The following MYH9 variants were observed in gnomAD, a reference collection of about 807,000 sequenced individuals.
The protein encoded by MYH9 is myosin-9.
A neutral mutation model predicts 241.9 loss-of-function variants in MYH9; 29 were observed. That is an observed-to-expected ratio of 0.12 (90% CI 0.09 to 0.16). The LOEUF (loss-of-function observed/expected upper bound fraction) is 0.16. MYH9 is among the 10% of genes least tolerant of loss of function. MYH9 has a pLI of 1.00. For synonymous variants in MYH9, 1,047 were observed against 1,062.6 expected (o/e 0.99, Z 0.29); for missense variants, 1,803 against 2,595.5 (o/e 0.69, Z 6.63).
At chr22:36,349,287 A>G (rs1265033428) in intron 1 of MYH9, 32 bp from the exon 2 acceptor site, 2 of 1,522,288 alleles carry the variant, frequency 1.3e-6, no homozygotes, top group Admixed American at 1.7e-5. Flanking sequence ...AACACATTAC[A>G]TACAACTACG....
rs534691296 is a variant in MYH9 at position 36,297,783 on chromosome 22, C to G, written c.3101-769G>C. 2.6e-5 allele frequency among the ~76,000 whole-genome samples: 4 copies of G among 152,374 alleles called. No individual in the cohort carries two copies. In the South Asian group the frequency reaches 8.3e-4, roughly 32 times the overall value. ...AACGCTGCTGCAAGCATCCTGCTCA[C>G]TCTCAGTGCACACGGCTGAGTGACG... On this transcript the variant is annotated intron_variant, in intron 24 of 40. Transcript: ENST00000216181.
intron 24 of MYH9, chr22:36,297,380 T>G: frequency 4.2e-6 from 1 of 236,196 alleles, no homozygotes; most frequent in East Asian, 1.2e-4. Context: ...CTTGTGTGAA[T>G]TCCACAGTTG....
At position 36,300,968 on chromosome 22, in the gene MYH9, G is replaced by A. The variant is rs148112044; in HGVS notation, c.2721C>T (p.Thr907=). The A allele has an allele frequency of 7.2e-4, 1,166 of 1,611,744 alleles. 8 individuals are homozygous for A. The African/African-American group carries it at 0.013, about 18-fold the overall frequency. Residue 907 remains threonine (T), a synonymous_variant, in exon 22 of 41, where the codon ACC becomes ACT. Transcript: ENST00000216181. The surrounding 1 kb of genome is among the most constrained non-coding windows in gnomAD (Gnocchi z 5.0). ...AEAEELRARL[T]AKKQELEEIC... The stretch of plus-strand genomic sequence containing the variant: ...TCTCTTCTAATTCCTGCTTCTTGGC[G>A]GTCAGGCGGGCCCGGAGCTCCTCAG...
chr22:36,360,528 AC>A (rs2017921457), intron 1 of MYH9, among the ~76,000 whole-genome samples: 1 of 151,994 alleles, frequency 6.6e-6, no homozygotes, highest in Non-Finnish European at 1.5e-5. Context: ...CCTGGCTAAC[AC>A]GGTGAAACCC....
intron 20 of MYH9, 54 bp from the exon 21 acceptor site, chr22:36,301,719 G>A (rs1381063445): frequency 1.0e-5 from 16 of 1,604,290 alleles, no homozygotes; most frequent in African/African-American, 5.3e-5. Flanking sequence ...GCCCGCCTCT[G>A]CCAACAGGTG....
intron 3 of MYH9, chr22:36,328,835 C>CT (rs2017376327): frequency 6.6e-6 from 1 of 152,276 alleles, no homozygotes; most frequent in Non-Finnish European, 1.5e-5. Flanking sequence ...CCCTGCGTGA[C>CT]TAGGCACTGG....
intron 14 of MYH9, 67 bp from the exon 15 acceptor site, chr22:36,309,463 G>A (rs1029389197): frequency 6.7e-6 from 8 of 1,197,430 alleles, no homozygotes; most frequent in Admixed American, 3.4e-5. Flanking sequence ...AGGGTCTCCG[G>A]AGCACAGGCT....
At chr22:36,384,874 C>T (rs984335953) in intron 1 of MYH9, among the ~76,000 whole-genome samples, 1 of 151,728 alleles carries the variant, frequency 6.6e-6, no homozygotes, top group Non-Finnish European at 1.5e-5. Context: ...CTCTTCCCAG[C>T]TCTAAGAGTG....
At chr22:36,327,723 C>A (rs893079274) in intron 3 of MYH9, among the ~76,000 whole-genome samples, 2 of 152,186 alleles carry the variant, frequency 1.3e-5, no homozygotes, top group African/African-American at 4.8e-5. Context: ...CGCTGTTCAG[C>A]CCCCACCAGA....
chr22:36,282,925 G>C, intron 40 of MYH9, 140 bp from the exon 41 acceptor site: 2 of 747,710 alleles, frequency 2.7e-6, no homozygotes, highest in East Asian at 2.7e-5. Flanking sequence ...GCAAAGTGGA[G>C]TCTTGGGAGC....
rs2016546541 is a variant in MYH9 at position 36,284,507 on chromosome 22, G to A, written c.5488C>T (p.Arg1830Cys). The A allele has an allele frequency of 1.2e-6, 2 of 1,612,076 alleles. No individual in the cohort carries two copies. The highest frequency in any genetic ancestry group is 1.7e-6 in the Non-Finnish European group (2 of 1,179,998). Residue 1830 changes from arginine to cysteine, a missense_variant, in exon 39 of 41, where the codon CGC becomes TGC. Coordinates refer to ENST00000216181, the MANE Select transcript of MYH9 (RefSeq NM_002473.6). ...EEQLDNETKE[R>C]QAACKQVRRT... ...CGCACCTGTTTGCAGGCTGCCTGGC[G>A]CTCCCTGCATGACAGACAAGGTGGC...
chr22:36,322,773 G>A (rs1255741750), intron 5 of MYH9, among the ~76,000 whole-genome samples: 1 of 152,230 alleles, frequency 6.6e-6, no homozygotes, highest in Non-Finnish European at 1.5e-5. Context: ...GGAAACGGCA[G>A]GCAGGAAGCT....
chr22:36,297,519 C>T (rs976699566), intron 24 of MYH9, among the ~76,000 whole-genome samples: 2 of 152,168 alleles, frequency 1.3e-5, no homozygotes, highest in Non-Finnish European at 2.9e-5. Context: ...TGCTGTGAGG[C>T]GCCAATGAGT....
intron 1 of MYH9, among the ~76,000 whole-genome samples, chr22:36,385,749 G>A (rs546701312): frequency 6.6e-6 from 1 of 152,282 alleles, no homozygotes; most frequent in East Asian, 1.9e-4. Context: ...TGCTGAGTGT[G>A]GAGACTGAAG....
chr22:36,297,100 G>A (rs970396196), intron 24 of MYH9, 86 bp from the exon 25 acceptor site: 33 of 1,441,702 alleles, frequency 2.3e-5, no homozygotes, highest in African/African-American at 4.2e-5. Flanking sequence ...CTGAGCACTC[G>A]TTATGAAACG....
At chr22:36,342,926 C>T (rs893736150) in intron 2 of MYH9, among the ~76,000 whole-genome samples, 4 of 152,240 alleles carry the variant, frequency 2.6e-5, no homozygotes, top group African/African-American at 2.4e-5. Context: ...GCCAGTTCTC[C>T]GAGCTCCTTC....
intron 25 of MYH9, among the ~76,000 whole-genome samples, chr22:36,296,379 C>T (rs183975147): frequency 2.0e-5 from 3 of 152,128 alleles, no homozygotes; most frequent in East Asian, 3.9e-4. Context: ...AGATTACAGT[C>T]GTGTGCCACC....
intron 3 of MYH9, among the ~76,000 whole-genome samples, chr22:36,340,978 G>C (rs1176641452): frequency 4.6e-5 from 7 of 152,108 alleles, no homozygotes; most frequent in African/African-American, 1.4e-4. Context: ...GTAGAGATGG[G>C]AAGAACTCGA....
intron 12 of MYH9, among the ~76,000 whole-genome samples, chr22:36,315,301 T>C (rs544498922): frequency 1.8e-4 from 28 of 152,272 alleles, no homozygotes; most frequent in African/African-American, 6.3e-4. Context: ...ATGATTTCAA[T>C]GAGAGGTTAG....
Sources: gnomAD v4.1 joint callset for allele counts (sites outside exome capture counted in the v4.1 genomes callset) on GRCh38, gnomAD v4.1.1 for gene constraint, Gnocchi (gnomAD v3.1) non-coding constraint, MANE v1.5 for transcripts, NCBI Gene and HGNC (gene_info 2026-07-23, HGNC 2026-07-21) for gene names.